The following LIN7A variants were observed in gnomAD, a reference collection of about 807,000 sequenced individuals.
LIN7A encodes the protein lin-7 cell polarity scaffold A.
Under a neutral mutation model 29.8 loss-of-function variants are expected in LIN7A, and 25 were observed. That is an observed-to-expected ratio of 0.84 (90% CI 0.61 to 1.17). The LOEUF (loss-of-function observed/expected upper bound fraction) is 1.17. LIN7A is among the 50% of genes most tolerant of loss of function. The pLI, the probability that LIN7A is intolerant of heterozygous loss-of-function variation, is 0.00. For missense variants in LIN7A, 239 were observed against 287.0 expected (o/e 0.83, Z 1.21); for synonymous variants, 118 against 107.5 (o/e 1.10, Z -0.60).
At chr12:80,848,900 A>G (rs1873200166) in intron 2 of LIN7A, among the ~76,000 whole-genome samples, 1 of 152,190 alleles carries the variant, frequency 6.6e-6, no homozygotes, top group African/African-American at 2.4e-5. Context: ...CTTATTTTAC[A>G]TGCTTAACTC....
At chr12:80,883,399 G>A (rs985611450) in intron 2 of LIN7A, among the ~76,000 whole-genome samples, 25 of 152,234 alleles carry the variant, frequency 1.6e-4, no homozygotes, top group Non-Finnish European at 3.4e-4. Context: ...AACTTGTGTC[G>A]TAATGCTACT....
chr12:80,881,710 T>G (rs965383782), intron 2 of LIN7A, among the ~76,000 whole-genome samples: 2 of 152,168 alleles, frequency 1.3e-5, no homozygotes, highest in Non-Finnish European at 2.9e-5. Context: ...GTATATGATC[T>G]TTAACTAAAA....
chr12:80,931,423 C>T (rs1347304221), intron 1 of LIN7A, among the ~76,000 whole-genome samples: 2 of 152,070 alleles, frequency 1.3e-5, no homozygotes, highest in African/African-American at 4.8e-5. Context: ...CGCGCATCAC[C>T]TGAGGTCAGG....
chr12:80,817,622 G>A (rs1243572822), intron 4 of LIN7A, among the ~76,000 whole-genome samples: 1 of 151,840 alleles, frequency 6.6e-6, no homozygotes, highest in Non-Finnish European at 1.5e-5. Context: ...GGACATCAAG[G>A]GTATTAGGTA....
At chr12:80,800,212 G>A (rs1025738168) in intron 5 of LIN7A, among the ~76,000 whole-genome samples, 8 of 152,068 alleles carry the variant, frequency 5.3e-5, no homozygotes, top group Admixed American at 5.2e-4. Flanking sequence ...AGTCTGGGCC[G>A]GGTACGGTGG....
intron 4 of LIN7A, among the ~76,000 whole-genome samples, chr12:80,814,568 G>A (rs1316295422): frequency 2.6e-5 from 4 of 151,940 alleles, no homozygotes; most frequent in Non-Finnish European, 5.9e-5. Flanking sequence ...CTGTGTCTGC[G>A]ATTCAGTTGC....
chr12:80,907,055 CTG>C (rs529376132), intron 1 of LIN7A, among the ~76,000 whole-genome samples: 1,819 of 145,346 alleles, frequency 0.013, 35 homozygotes, highest in African/African-American at 0.043. Context: ...AGTGCGTGCT[CTG>C]TGTGTGTGTG....
Position 80,811,662 on chromosome 12 carries a change from C to T in LIN7A, c.505G>A (p.Glu169Lys), listed in dbSNP as rs368594767. ...GCCTTGAGTAGTTCCACAGCTTTCT[C>T]ATGGTGTTCTCCTTCCACACTCTGA... ...NGVSVEGEHH[E>K]KAVELLKAAK... The change falls in exon 5 of 6, where the codon GAG (glutamate) becomes AAG (lysine). Residue 169 changes from glutamate (E) to lysine (K), a missense_variant. Physicochemically the swap from Glu to Lys is moderately conservative, Grantham distance 56. Coordinates refer to ENST00000552864, the MANE Select transcript of LIN7A (RefSeq NM_004664.4). 1.9e-6 allele frequency: 3 copies of T among 1,611,584 alleles called. No individual in the cohort carries two copies. Among genetic ancestry groups the T allele is most frequent in the Non-Finnish European group, 2.5e-6 (3 of 1,177,996 alleles).
intron 1 of LIN7A, among the ~76,000 whole-genome samples, chr12:80,912,713 CAAAAAAA>C (rs5799498): frequency 1.9e-4 from 26 of 135,332 alleles, no homozygotes; most frequent in Admixed American, 3.7e-4. Flanking sequence ...AGACTTGTCT[CAAAAAAA>C]AAAAAAAAAG....
intron 4 of LIN7A, among the ~76,000 whole-genome samples, chr12:80,827,416 C>A (rs542202160): frequency 2.2e-4 from 33 of 149,544 alleles, no homozygotes; most frequent in African/African-American, 7.4e-4. Flanking sequence ...CAAAACATTT[C>A]CTTCACAGAA....
intron 4 of LIN7A, among the ~76,000 whole-genome samples, chr12:80,816,233 C>T (rs1222343427): frequency 6.6e-6 from 1 of 152,140 alleles, no homozygotes; most frequent in South Asian, 2.1e-4. Flanking sequence ...GGCAAGACCC[C>T]ATCTCTACAA....
chr12:80,856,194 G>A (rs920100148), intron 2 of LIN7A, among the ~76,000 whole-genome samples: 4 of 152,162 alleles, frequency 2.6e-5, no homozygotes, highest in African/African-American at 9.6e-5. Flanking sequence ...TCGACCCAGT[G>A]AAAATCCAAG....
chr12:80,881,321 C>A (rs1191625503), intron 2 of LIN7A, among the ~76,000 whole-genome samples: 1 of 152,148 alleles, frequency 6.6e-6, no homozygotes, highest in East Asian at 1.9e-4. Flanking sequence ...AATGTAGGAG[C>A]CATCAGCTTT....
At chr12:80,910,868 T>C (rs1876714320) in intron 1 of LIN7A, among the ~76,000 whole-genome samples, 1 of 152,122 alleles carries the variant, frequency 6.6e-6, no homozygotes, top group African/African-American at 2.4e-5. Flanking sequence ...GTTTTTCTGG[T>C]TTGGGTATTT....
chr12:80,893,799 T>C (rs1420959508), intron 1 of LIN7A, among the ~76,000 whole-genome samples: 3 of 152,128 alleles, frequency 2.0e-5, no homozygotes. Flanking sequence ...TAAAAAGCAG[T>C]GCCCAATGGA....
chr12:80,794,552 AATGAG>A lies in LIN7A; in HGVS notation c.*3170_*3174del, dbSNP rs1442392057. 5 of 152,296 alleles carry A rather than the reference AATGAG, an allele frequency of 3.3e-5. No homozygotes were observed. In the East Asian group the frequency reaches 9.6e-4, roughly 29 times the overall value. 9.4% of individuals were successfully genotyped at this position (152,296 alleles called of 1,614,324 possible). A position where few individuals can be genotyped will look rare whatever the true frequency, so the allele number is the denominator to read the frequency against. On this transcript the variant is annotated 3_prime_UTR_variant, in exon 6 of 6. Transcript: ENST00000552864. ...CTACGGGCACAGTTGAGTAACATGAAATGAGATAAGATCAGTTTGATGTCACAGTT... is the reference window on the plus strand; with the variant it reads ...CTACGGGCACAGTTGAGTAACATGAAATAAGATCAGTTTGATGTCACAGTT...
intron 2 of LIN7A, among the ~76,000 whole-genome samples, chr12:80,868,800 C>T (rs1874276244): frequency 6.6e-6 from 1 of 152,120 alleles, no homozygotes; most frequent in Admixed American, 6.6e-5. Flanking sequence ...CAGATAAGAT[C>T]ACTAAAGACC....
intron 1 of LIN7A, among the ~76,000 whole-genome samples, chr12:80,901,648 T>A (rs925133566): frequency 6.6e-6 from 1 of 152,128 alleles, no homozygotes; most frequent in African/African-American, 2.4e-5. Flanking sequence ...CCCCATCAAT[T>A]TGTCTGGGTG....
intron 1 of LIN7A, among the ~76,000 whole-genome samples, chr12:80,926,927 CAAAAAAAAAAAA>C (rs35483715): frequency 1.8e-5 from 1 of 55,902 alleles, no homozygotes; most frequent in Non-Finnish European, 4.0e-5. Context: ...GACTCCATCT[CAAAAAAAAAAAA>C]AAAAAAAAAA....
Sources: allele counts gnomAD v4.1 joint callset (sites outside exome capture counted in the v4.1 genomes callset), GRCh38; gene constraint gnomAD v4.1.1; transcripts MANE v1.5; gene names NCBI Gene and HGNC (gene_info 2026-07-23, HGNC 2026-07-21).